The following DPP10 variants were observed in gnomAD, a reference collection of about 807,000 sequenced individuals.
DPP10 encodes the protein dipeptidyl peptidase like 10.
In DPP10, 33 loss-of-function variants were observed where a neutral mutation model predicts 120.9. The observed-to-expected ratio is 0.27, with a 90% CI of 0.21 to 0.37. The LOEUF (loss-of-function observed/expected upper bound fraction) is 0.37, where lower values mean the gene tolerates loss of function less well. Among genes scored for constraint, DPP10 ranks in the 10% least tolerant of loss-of-function variants. DPP10 has a pLI of 1.00. For synonymous variants in DPP10, 337 were observed against 326.1 expected, an observed-to-expected ratio of 1.03 and a Z score of -0.36; for missense variants, 816 against 942.8, an observed-to-expected ratio of 0.87 and a Z score of 1.76.
chr2:115,268,312 T>C (rs1269097591), intron 1 of DPP10, among the ~76,000 whole-genome samples: 1 of 152,156 alleles, frequency 6.6e-6, no homozygotes, highest in Non-Finnish European at 1.5e-5. Context: ...TAATTTACTT[T>C]CCAAGGTTTG....
chr2:115,411,189 G>T (rs967711776), intron 3 of DPP10, among the ~76,000 whole-genome samples: 1 of 151,940 alleles, frequency 6.6e-6, no homozygotes, highest in Admixed American at 6.6e-5. Context: ...AACATTAGCC[G>T]GGCATGGTGG....
chr2:115,330,986 G>A (rs540071243), intron 2 of DPP10, among the ~76,000 whole-genome samples: 66 of 152,204 alleles, frequency 4.3e-4, no homozygotes, highest in African/African-American at 1.6e-3. Flanking sequence ...ACTTGATGGG[G>A]ATGGCATTGA....
chr2:115,436,936 G>T (rs1192335633), intron 3 of DPP10, among the ~76,000 whole-genome samples: 1 of 151,786 alleles, frequency 6.6e-6, no homozygotes, highest in African/African-American at 2.4e-5. Flanking sequence ...TCAAAATTGT[G>T]GTCTAACAGT....
At chr2:115,036,344 G>A (rs1704226484) in intron 1 of DPP10, among the ~76,000 whole-genome samples, 1 of 152,164 alleles carries the variant, frequency 6.6e-6, no homozygotes, top group South Asian at 2.1e-4. Flanking sequence ...GATTTTGGGT[G>A]GGGTCACAGC....
intron 1 of DPP10, among the ~76,000 whole-genome samples, chr2:114,654,978 ACT>A (rs1696865656): frequency 6.6e-6 from 1 of 152,106 alleles, no homozygotes; most frequent in Non-Finnish European, 1.5e-5. Context: ...CAATTTCCCC[ACT>A]CTCTGCCATA....
At chr2:114,653,707 C>T (rs1696776188) in intron 1 of DPP10, among the ~76,000 whole-genome samples, 1 of 152,114 alleles carries the variant, frequency 6.6e-6, no homozygotes, top group Admixed American at 6.5e-5. Flanking sequence ...TCAAATACAG[C>T]TTGGTGGGCC....
intron 1 of DPP10, among the ~76,000 whole-genome samples, chr2:114,800,705 C>T (rs1227823513): frequency 5.3e-5 from 8 of 152,234 alleles, no homozygotes; most frequent in Admixed American, 1.3e-4. Flanking sequence ...ATTGCTTCTC[C>T]GGTTTTATAC....
chr2:114,617,125 C>A (rs1403601574), intron 1 of DPP10, among the ~76,000 whole-genome samples: 2 of 151,948 alleles, frequency 1.3e-5, no homozygotes, highest in African/African-American at 4.8e-5. Context: ...GAAAAAGTGA[C>A]AAAGGAGTGG....
At chr2:115,432,953 C>T (rs1362591253) in intron 3 of DPP10, among the ~76,000 whole-genome samples, 1 of 151,924 alleles carries the variant, frequency 6.6e-6, no homozygotes, top group Non-Finnish European at 1.5e-5. Flanking sequence ...ATACCTCATC[C>T]TTCATGATAT....
At chr2:115,149,896 C>G (rs1307972759) in intron 1 of DPP10, among the ~76,000 whole-genome samples, 1 of 152,154 alleles carries the variant, frequency 6.6e-6, no homozygotes, top group Non-Finnish European at 1.5e-5. Context: ...TTAATTTATA[C>G]TAGGTCAGTC....
chr2:115,665,713 T>C (rs2089399252), intron 5 of DPP10, among the ~76,000 whole-genome samples: 2 of 152,152 alleles, frequency 1.3e-5, no homozygotes, highest in Non-Finnish European at 2.9e-5. Context: ...TTTATATTGC[T>C]CCAAACTTTT....
intron 8 of DPP10, 37 bp downstream of exon 8, chr2:115,727,973 G>A: frequency 6.3e-7 from 1 of 1,579,912 alleles, no homozygotes; most frequent in Non-Finnish European, 8.6e-7. Context: ...GGAAACAAAT[G>A]ACATATTTTT....
At chr2:115,189,473 G>A (rs1352997436) in intron 1 of DPP10, among the ~76,000 whole-genome samples, 1 of 152,180 alleles carries the variant, frequency 6.6e-6, no homozygotes, top group Non-Finnish European at 1.5e-5. Context: ...GAGCCAAGGG[G>A]TGAAGAGAAC....
chr2:115,733,167 A>T (rs1024210780), intron 8 of DPP10, among the ~76,000 whole-genome samples: 1 of 152,162 alleles, frequency 6.6e-6, no homozygotes, highest in African/African-American at 2.4e-5. Flanking sequence ...GCAGATTCTG[A>T]TTGTTACACT....
chr2:115,504,271 C>T (rs1430240091), intron 4 of DPP10, among the ~76,000 whole-genome samples: 1 of 106,430 alleles, frequency 9.4e-6, no homozygotes, highest in Admixed American at 1.4e-4. Flanking sequence ...TTGGCTATTG[C>T]CAACTTTTTT....
intron 19 of DPP10, among the ~76,000 whole-genome samples, chr2:115,796,326 C>T (rs765171656): frequency 6.6e-6 from 1 of 152,140 alleles, no homozygotes; most frequent in African/African-American, 2.4e-5. Flanking sequence ...CAGATTACAA[C>T]ATTTACTTTG....
intron 20 of DPP10, 26 bp from the exon 21 acceptor site, chr2:115,815,649 A>T: frequency 1.3e-6 from 2 of 1,589,906 alleles, no homozygotes; most frequent in Non-Finnish European, 1.7e-6. Flanking sequence ...CAAAGATATA[A>T]CTATTGTTTT....
Position 115,053,150 on chromosome 2 carries a change from T to G in DPP10, c.61-256089T>G, listed in dbSNP as rs115609024. On this transcript the variant is annotated intron_variant, in intron 1 of 25. Transcript: ENST00000410059. ...TAAAGCTCAGGCGACTGAAAATAGT[T>G]GTTCATAAGAAAACTCATGTTTAGA... Among the ~76,000 whole-genome samples the G allele has an allele frequency of 8.8e-3, 1,343 of 152,190 alleles. 24 individuals carry two copies. Among genetic ancestry groups the G allele is most frequent in the African/African-American group, 0.031 (1,287 of 41,522 alleles).
chr2:115,678,170 G>A (rs949167774), intron 5 of DPP10, among the ~76,000 whole-genome samples: 5 of 152,238 alleles, frequency 3.3e-5, no homozygotes, highest in Non-Finnish European at 4.4e-5. Context: ...GCAGAAATTT[G>A]CATAAGTAAT....
Sources: gnomAD v4.1 joint callset for allele counts (sites outside exome capture counted in the v4.1 genomes callset) on GRCh38, gnomAD v4.1.1 for gene constraint, MANE v1.5 for transcripts, NCBI Gene and HGNC (gene_info 2026-07-23, HGNC 2026-07-21) for gene names.